The following ZEB2 variants were observed in gnomAD, a reference collection of about 807,000 sequenced individuals.
ZEB2 encodes the protein zinc finger E-box binding homeobox 2, also known as zinc finger E-box-binding homeobox 2.
ZEB2 carries 6 observed loss-of-function variants against 99.9 expected under a neutral mutation model. The observed-to-expected ratio is 0.06, with a 90% confidence interval of 0.03 to 0.12. The LOEUF is 0.12. Among genes scored for constraint, ZEB2 ranks in the 10% least tolerant of loss-of-function variants. ZEB2 has a pLI of 1.00. For missense variants in ZEB2, 969 were observed against 1,502.8 expected (o/e 0.64, Z 5.87); for synonymous variants, 517 against 542.5 (o/e 0.95, Z 0.65).
At chr2:144,506,512 T>C (rs1423837057) in intron 2 of ZEB2, among the ~76,000 whole-genome samples, 2 of 152,180 alleles carry the variant, frequency 1.3e-5, no homozygotes, top group Admixed American at 6.5e-5. Context: ...AACACTTCCA[T>C]TGATGTGCAT....
chr2:144,511,176 A>G (rs74370058), intron 2 of ZEB2, among the ~76,000 whole-genome samples: 1 of 152,188 alleles, frequency 6.6e-6, no homozygotes, highest in Non-Finnish European at 1.5e-5. Context: ...TGTTTCCTAA[A>G]TGAACCAGCA....
At chr2:144,457,408 C>T (rs909643038) in intron 2 of ZEB2, among the ~76,000 whole-genome samples, 4 of 152,168 alleles carry the variant, frequency 2.6e-5, no homozygotes, top group African/African-American at 9.7e-5. Flanking sequence ...TCTGTGCTCT[C>T]TTCATCACCT....
In ZEB2 at chr2:144,462,813, A is replaced by G. The variant is rs1704213391; in HGVS notation, c.74-32787T>C. 2.6e-5 allele frequency: 4 copies of G among 152,276 alleles called. No homozygotes were observed. The South Asian group carries it at 8.3e-4, about 32-fold the overall frequency. The allele number at this position is 152,276 out of a possible 1,614,324, so 9.4% of individuals were successfully genotyped here. ...CAGTTGTGAACAGCTGGCATACAATAGATAATTTAAGGGAAAGTGGCCCTC... is the reference window on the plus strand; with the variant it reads ...CAGTTGTGAACAGCTGGCATACAATGGATAATTTAAGGGAAAGTGGCCCTC... On this transcript the variant is annotated intron_variant, in intron 2 of 9. Transcript: ENST00000627532.
chr2:144,414,827 T>G (rs2149884454), intron 4 of ZEB2, among the ~76,000 whole-genome samples: 1 of 152,286 alleles, frequency 6.6e-6, no homozygotes, highest in Admixed American at 6.5e-5. Flanking sequence ...TGGTACCATT[T>G]GAACAGGCCC....
intron 4 of ZEB2, among the ~76,000 whole-genome samples, chr2:144,406,577 TA>T (rs556442173): frequency 1.3e-5 from 2 of 150,636 alleles, no homozygotes; most frequent in Non-Finnish European, 1.5e-5. Flanking sequence ...CTCAGGATGT[TA>T]AAAAAAAAGG....
At chr2:144,429,417 T>A (rs1470975018) in intron 3 of ZEB2, 3 of 305,230 alleles carry the variant, frequency 9.8e-6, no homozygotes, top group East Asian at 1.6e-4. Flanking sequence ...ATGTTGTGAG[T>A]TTTTACATTT....
intron 2 of ZEB2, among the ~76,000 whole-genome samples, chr2:144,477,787 G>A (rs1469394708): frequency 6.6e-6 from 1 of 152,218 alleles, no homozygotes; most frequent in Non-Finnish European, 1.5e-5. Flanking sequence ...CATGTAAAAT[G>A]AGAGAGACTT....
chr2:144,400,413 G>T, intron 7 of ZEB2, 143 bp from the exon 8 acceptor site: 1 of 924,458 alleles, frequency 1.1e-6, no homozygotes, highest in Non-Finnish European at 1.6e-6. Flanking sequence ...TTAGAATTAT[G>T]TGACCATAAC....
chr2:144,502,033 G>A (rs1220232859), intron 2 of ZEB2, among the ~76,000 whole-genome samples: 1 of 152,190 alleles, frequency 6.6e-6, no homozygotes, highest in Non-Finnish European at 1.5e-5. Flanking sequence ...AACTACCACT[G>A]AAAAGAAATG....
At chr2:144,494,073 A>ATGCAAG (rs1704723877) in intron 2 of ZEB2, among the ~76,000 whole-genome samples, 1 of 141,950 alleles carries the variant, frequency 7.0e-6, no homozygotes, top group African/African-American at 2.6e-5. Context: ...AATGGCCTGA[A>ATGCAAG]CCCGGGAGGC....
chr2:144,490,791 A>C (rs1341508061), intron 2 of ZEB2, among the ~76,000 whole-genome samples: 1 of 152,188 alleles, frequency 6.6e-6, no homozygotes, highest in African/African-American at 2.4e-5. Context: ...GGCTTTTCGG[A>C]CTATACTGGT....
At chr2:144,417,830 C>T (rs1357038343) in intron 4 of ZEB2, among the ~76,000 whole-genome samples, 2 of 152,006 alleles carry the variant, frequency 1.3e-5, no homozygotes, top group African/African-American at 4.8e-5. Context: ...CGGGGGTTCT[C>T]GAATGTCCTT....
At chr2:144,467,568 C>A (rs1397915550) in intron 2 of ZEB2, among the ~76,000 whole-genome samples, 1 of 152,086 alleles carries the variant, frequency 6.6e-6, no homozygotes, top group Non-Finnish European at 1.5e-5. Context: ...TTAATGAATT[C>A]CAGGGAAAGA....
chr2:144,456,921 A>T (rs1405949542), intron 2 of ZEB2, among the ~76,000 whole-genome samples: 1 of 152,044 alleles, frequency 6.6e-6, no homozygotes. Flanking sequence ...CCTGACCTCG[A>T]AGTTTCCCTC....
rs914434654 is a variant in ZEB2, at chr2:144,394,980, T to C, written c.3067+1432A>G. Among the ~76,000 whole-genome samples, 19 of 150,132 alleles carry C rather than the reference T, an allele frequency of 1.3e-4. No homozygotes were observed. The East Asian group carries it at 3.5e-3, about 28-fold the overall frequency. On this transcript the variant is annotated intron_variant, in intron 9 of 9. Transcript: ENST00000627532. Reference sequence around the variant, plus strand: ...CAAAATATGACAGGAAGTATTCACCTTCCCTTCGCTTTTTTTTTTTTTTTT... The same window carrying C: ...CAAAATATGACAGGAAGTATTCACCCTCCCTTCGCTTTTTTTTTTTTTTTT...
At chr2:144,450,419 A>T (rs1386802309) in intron 2 of ZEB2, 1 of 152,172 alleles carries the variant, frequency 6.6e-6, no homozygotes, top group Non-Finnish European at 1.5e-5. Flanking sequence ...TCTCTTTTTA[A>T]ACTTACATAA....
At chr2:144,400,437 T>C in intron 7 of ZEB2, 167 bp from the exon 8 acceptor site, 1 of 767,676 alleles carries the variant, frequency 1.3e-6, no homozygotes, top group Admixed American at 2.5e-5. Context: ...TTCTGAACTT[T>C]ATCTGCCCTG....
At chr2:144,446,380 C>G (rs1460726632) in intron 2 of ZEB2, among the ~76,000 whole-genome samples, 1 of 151,882 alleles carries the variant, frequency 6.6e-6, no homozygotes, top group Non-Finnish European at 1.5e-5. Context: ...ATCCTTCCTT[C>G]CTTCTTTCCT....
At chr2:144,510,714 C>G (rs1184501311) in intron 2 of ZEB2, among the ~76,000 whole-genome samples, 1 of 146,094 alleles carries the variant, frequency 6.8e-6, no homozygotes, top group South Asian at 2.2e-4. Context: ...CTCTCTCTCT[C>G]TCTTTCTCTC....
Sources: gnomAD v4.1 joint callset for allele counts (sites outside exome capture counted in the v4.1 genomes callset) on GRCh38, gnomAD v4.1.1 for gene constraint, MANE v1.5 for transcripts, NCBI Gene and HGNC (gene_info 2026-07-23, HGNC 2026-07-21) for gene names.